Variants in KRT86 observed in about 807,000 individuals in gnomAD.
KRT86 encodes keratin, type II cuticular Hb6.
A neutral mutation model predicts 41.2 loss-of-function variants in KRT86; 30 were observed. The observed-to-expected ratio is 0.73, with a 90% CI of 0.54 to 0.99. The LOEUF is 0.99. KRT86 is among the 50% of genes least tolerant of loss of function. KRT86 has a pLI of 0.00. For missense variants in KRT86, 561 were observed against 571.4 expected, an observed-to-expected ratio of 0.98 and a Z score of 0.19; for synonymous variants, 238 against 238.1, an observed-to-expected ratio of 1.00 and a Z score of 0.00.
intron 2 of KRT86, among the ~76,000 whole-genome samples, chr12:52,297,515 C>T (rs901190507): frequency 1.3e-5 from 2 of 152,050 alleles, no homozygotes; most frequent in Admixed American, 6.5e-5. Context: ...CTTATAATAC[C>T]CTCCAGGGAG....
Position 52,308,501 on chromosome 12 carries a change from C to T in KRT86, c.1377C>T (p.Asn459=). ...CCAGAGTCAGTAGCGTCCCCAGCAA[C>T]AGCAACGTGGTGGTGGGCACTACTA... ...VSTRVSSVPS[N]SNVVVGTTNA... is the part of the protein sequence containing the mutation. The change falls in exon 11 of 11, where the codon AAC becomes AAT. Residue 459 remains asparagine (N), a synonymous_variant. Transcript: ENST00000423955. 1 of 1,608,236 alleles carries T rather than the reference C, an allele frequency of 6.2e-7. No individual in the cohort carries two copies.
Position 52,306,290 on chromosome 12 carries a change from A to G in KRT86, c.1247+10A>G. On this transcript the variant is annotated intron_variant, in intron 9 of 10. Coordinates refer to ENST00000423955, the MANE Select transcript of KRT86 (RefSeq NM_001320198.2). ...AGGGCGAGGAGCAGAGGTGGGTCCC[A>G]TAGACCTTTCCCTTTCCCAGCCCTG... The G allele has an allele frequency of 6.2e-7, 1 of 1,613,242 alleles. No individual in the cohort carries two copies. Among genetic ancestry groups the G allele is most frequent in the East Asian group, 2.2e-5 (1 of 44,880 alleles).
intron 7 of KRT86, 30 bp downstream of exon 7, chr12:52,305,434 A>C: frequency 6.2e-7 from 1 of 1,614,156 alleles, no homozygotes; most frequent in Non-Finnish European, 8.5e-7. Flanking sequence ...TGCCTGCTAG[A>C]CATGGCAGTG....
chr12:52,305,079 T>C, intron 6 of KRT86, 52 bp downstream of exon 6: 2 of 1,609,994 alleles, frequency 1.2e-6, no homozygotes, highest in Non-Finnish European at 1.7e-6. Context: ...AGAGGAGAGA[T>C]GGGGGTGGGA....
chr12:52,288,211 C>T lies in KRT86; in HGVS notation c.-5+12265C>T. 4 of 1,592,582 alleles carry T rather than the reference C, an allele frequency of 2.5e-6. No homozygotes were observed. The African/African-American group carries it at 5.4e-5, about 21-fold the overall frequency. On this transcript the variant is annotated intron_variant, in intron 2 of 10. Coordinates refer to ENST00000423955, the MANE Select transcript of KRT86 (RefSeq NM_001320198.2). ...CAGCCCCACCCACCATGTCCTGACTCCACCTCCTCAGGCTTTCTCTGGTCC... is the reference window on the plus strand; with the variant it reads ...CAGCCCCACCCACCATGTCCTGACTTCACCTCCTCAGGCTTTCTCTGGTCC...
intron 9 of KRT86, among the ~76,000 whole-genome samples, chr12:52,307,381 G>A (rs1938542016): frequency 1.3e-5 from 2 of 152,244 alleles, no homozygotes; most frequent in Admixed American, 6.5e-5. Context: ...GGCTCTTGGA[G>A]TGAACTCAGG....
intron 2 of KRT86, among the ~76,000 whole-genome samples, chr12:52,276,391 G>T (rs897114267): frequency 6.6e-6 from 1 of 152,096 alleles, no homozygotes; most frequent in African/African-American, 2.4e-5. Context: ...AGAGGAGAGA[G>T]GCCTCTATCA....
chr12:52,288,325 G>C, intron 2 of KRT86: 1 of 1,612,946 alleles, frequency 6.2e-7, no homozygotes, highest in African/African-American at 1.3e-5. Context: ...CCTCTCTGCT[G>C]GCTGCCAGGT....
intron 5 of KRT86, 41 bp from the exon 6 acceptor site, chr12:52,304,891 T>C (rs1938467129): frequency 6.2e-7 from 1 of 1,602,390 alleles, no homozygotes; most frequent in African/African-American, 1.3e-5. Context: ...AGAGGCTGGA[T>C]CACCAGGGTC....
In KRT86 at chr12:52,305,654, T is replaced by C. The variant is rs578144166; in HGVS notation, c.901-9T>C. The C allele has an allele frequency of 1.5e-4, 245 of 1,613,928 alleles. No individual in the cohort carries two copies. The highest frequency in any genetic ancestry group is 2.8e-4 in the Admixed American group (17 of 60,008). ...CCCTGAACCTCATGAGCATCTCTAC[T>C]TCCCCCAGTGTGAGGAGATGAAGGC... On this transcript the variant is annotated splice_polypyrimidine_tract_variant and intron_variant, in intron 7 of 10. Transcript: ENST00000423955.
chr12:52,301,519 AAG>A (rs1486355713), intron 2 of KRT86, among the ~76,000 whole-genome samples: 2 of 152,102 alleles, frequency 1.3e-5, no homozygotes, highest in Non-Finnish European at 2.9e-5. Context: ...GCAGGACAGA[AAG>A]AGCAGCAGCC....
At chr12:52,306,610 C>A (rs1938526628) in intron 9 of KRT86, 2 of 478,050 alleles carry the variant, frequency 4.2e-6, no homozygotes, top group South Asian at 4.5e-5. Flanking sequence ...GCTGCATGTG[C>A]TTCTCAGGAT....
chr12:52,275,280 C>T (rs1942541222), intron 1 of KRT86, among the ~76,000 whole-genome samples: 1 of 152,184 alleles, frequency 6.6e-6, no homozygotes, highest in Non-Finnish European at 1.5e-5. Context: ...ATTTCATAGA[C>T]AGCACTTCCC....
intron 2 of KRT86, among the ~76,000 whole-genome samples, chr12:52,294,639 T>C (rs1421503318): frequency 1.3e-5 from 2 of 152,140 alleles, no homozygotes; most frequent in Non-Finnish European, 2.9e-5. Context: ...AATGCATAGG[T>C]GGTTAGATCT....
Position 52,306,066 on chromosome 12 carries a change from A to T in KRT86, c.1033A>T (p.Lys345Ter), listed in dbSNP as rs368204968. Residue 345 changes from lysine to a stop codon, truncating the protein, a stop_gained, in exon 9 of 11, where the codon AAG (lysine) becomes TAG (stop). Transcript: ENST00000423955. LOFTEE classifies it high-confidence loss of function. ...EVENAKCQNS[K>*]LEAAVAQSEQ... ...TTCTCTCTGTTCTCTTCAGAATTCC[A>T]AGCTGGAGGCTGCGGTGGCTCAGTC... 4 of 1,613,738 alleles carry T rather than the reference A, an allele frequency of 2.5e-6. No homozygotes were observed. Among genetic ancestry groups the T allele is most frequent in the Middle Eastern group, 1.7e-4 (1 of 5,906 alleles).
chr12:52,300,627 A>G (rs981996322), intron 2 of KRT86, among the ~76,000 whole-genome samples: 3 of 152,228 alleles, frequency 2.0e-5, no homozygotes, highest in African/African-American at 4.8e-5. Flanking sequence ...CACTGGATGG[A>G]TGGCACATAC....
intron 2 of KRT86, chr12:52,279,246 G>T: frequency 6.6e-6 from 1 of 152,390 alleles, no homozygotes; most frequent in East Asian, 1.9e-4. Flanking sequence ...CCTCCCTCCG[G>T]AGAAGACAAG....
intron 2 of KRT86, among the ~76,000 whole-genome samples, chr12:52,295,219 C>T (rs551464550): frequency 2.4e-4 from 37 of 152,062 alleles, no homozygotes; most frequent in African/African-American, 6.8e-4. Context: ...TTTTGATGTT[C>T]ATCTTATACC....
intron 2 of KRT86, among the ~76,000 whole-genome samples, chr12:52,285,269 C>T (rs757298666): frequency 1.3e-5 from 2 of 152,046 alleles, no homozygotes; most frequent in Non-Finnish European, 2.9e-5. Context: ...TGTCCCCCCT[C>T]TATGCCACAT....
Sources: gnomAD v4.1 joint callset for allele counts (sites outside exome capture counted in the v4.1 genomes callset) on GRCh38, gnomAD v4.1.1 for gene constraint, MANE v1.5 for transcripts, NCBI Gene and HGNC (gene_info 2026-07-23, HGNC 2026-07-21) for gene names.